EYA1: variants seen among roughly 807,000 people sequenced by gnomAD.
EYA1 encodes the protein protein phosphatase EYA1.
Under a neutral mutation model 82.0 loss-of-function variants are expected in EYA1, and 16 were observed. That is an observed-to-expected ratio of 0.20 (90% confidence interval 0.13 to 0.30). EYA1 has a LOEUF of 0.30. Among genes scored for constraint, EYA1 ranks in the 10% least tolerant of loss-of-function variants. The pLI is 1.00. For missense variants in EYA1, 633 were observed against 730.7 expected (o/e 0.87, Z 1.54); for synonymous variants, 261 against 264.4 (o/e 0.99, Z 0.12).
intron 3 of EYA1, among the ~76,000 whole-genome samples, chr8:71,343,641 T>C (rs1327718014): frequency 1.3e-5 from 2 of 152,218 alleles, no homozygotes; most frequent in Admixed American, 6.5e-5. Flanking sequence ...CCCTTGACCT[T>C]GGACTTAGCC....
At chr8:71,463,025 C>T (rs1412777762) in intron 2 of EYA1, among the ~76,000 whole-genome samples, 1 of 152,144 alleles carries the variant, frequency 6.6e-6, no homozygotes, top group Non-Finnish European at 1.5e-5. Context: ...TTATTGAATC[C>T]AAAATACCCC....
At chr8:71,477,602 G>A (rs1809767531) in intron 2 of EYA1, among the ~76,000 whole-genome samples, 1 of 151,738 alleles carries the variant, frequency 6.6e-6, no homozygotes, top group Non-Finnish European at 1.5e-5. Flanking sequence ...AATAAATTAG[G>A]CACCCTCATG....
chr8:71,369,751 G>A (rs1322538384), intron 2 of EYA1, among the ~76,000 whole-genome samples: 1 of 152,092 alleles, frequency 6.6e-6, no homozygotes, highest in Non-Finnish European at 1.5e-5. Flanking sequence ...AGGGAACATG[G>A]CCCTGGTTTG....
chr8:71,523,180 T>C (rs1422458821), intron 2 of EYA1, among the ~76,000 whole-genome samples: 10 of 107,016 alleles, frequency 9.3e-5, no homozygotes, highest in African/African-American at 1.6e-4. Flanking sequence ...TTTCTTTTTC[T>C]TTTTTTTTTT....
intron 2 of EYA1, among the ~76,000 whole-genome samples, chr8:71,393,238 G>A (rs1191202590): frequency 6.6e-6 from 1 of 151,920 alleles, no homozygotes; most frequent in Non-Finnish European, 1.5e-5. Flanking sequence ...GGGGAGTGAA[G>A]GACATATAGA....
intron 1 of EYA1, among the ~76,000 whole-genome samples, chr8:71,543,911 C>T (rs1448877725): frequency 1.3e-5 from 2 of 152,140 alleles, no homozygotes; most frequent in African/African-American, 4.8e-5. Context: ...CATCTCCAAC[C>T]TGTGACAACC....
chr8:71,369,458 T>A (rs981366328), intron 2 of EYA1, among the ~76,000 whole-genome samples: 1 of 152,228 alleles, frequency 6.6e-6, no homozygotes, highest in Non-Finnish European at 1.5e-5. Flanking sequence ...TCTTCTGTTG[T>A]CACAGTACTT....
At chr8:71,204,243 C>G (rs138351030) in intron 17 of EYA1, 9 of 152,294 alleles carry the variant, frequency 5.9e-5, no homozygotes, top group African/African-American at 2.2e-4. Context: ...CCTGGAGCAA[C>G]TTCAAAAATC....
intron 9 of EYA1, among the ~76,000 whole-genome samples, chr8:71,294,057 A>C (rs1819310259): frequency 1.3e-5 from 2 of 151,998 alleles, no homozygotes; most frequent in African/African-American, 4.8e-5. Flanking sequence ...ACCCACCCCC[A>C]AAACCAAACA....
chr8:71,238,639 C>T (rs1812125521), intron 12 of EYA1, among the ~76,000 whole-genome samples: 1 of 151,896 alleles, frequency 6.6e-6, no homozygotes, highest in Non-Finnish European at 1.5e-5. Context: ...AATTTCAAAT[C>T]AATTTGATTT....
intron 2 of EYA1, among the ~76,000 whole-genome samples, chr8:71,467,922 G>A (rs538121467): frequency 6.6e-6 from 1 of 151,896 alleles, no homozygotes; most frequent in African/African-American, 2.4e-5. Context: ...ACTAAGTCTC[G>A]GTTCACAGAT....
chr8:71,230,581 T>C (rs1004909624), intron 12 of EYA1, among the ~76,000 whole-genome samples: 2 of 152,180 alleles, frequency 1.3e-5, no homozygotes, highest in Non-Finnish European at 2.9e-5. Context: ...GTGGAGGCCA[T>C]ACATTAGCAG....
At chr8:71,225,244 C>T in intron 12 of EYA1, 1 of 456,302 alleles carries the variant, frequency 2.2e-6, no homozygotes, top group South Asian at 1.5e-5. Context: ...AGCTCAAGCG[C>T]TGCTAGGCTT....
chr8:71,411,617 T>TACATG (rs1830593610), intron 2 of EYA1, among the ~76,000 whole-genome samples: 1 of 151,736 alleles, frequency 6.6e-6, no homozygotes, highest in Non-Finnish European at 1.5e-5. Flanking sequence ...GCAGCCAAAA[T>TACATG]ACATGAAAAA....
chr8:71,213,750 C>A (rs1808823358), intron 16 of EYA1, among the ~76,000 whole-genome samples: 2 of 152,188 alleles, frequency 1.3e-5, no homozygotes, highest in Non-Finnish European at 2.9e-5. Context: ...TCTTCCAATG[C>A]AACACTGATA....
At chr8:71,351,568 T>C (rs930184891) in intron 3 of EYA1, among the ~76,000 whole-genome samples, 2 of 152,196 alleles carry the variant, frequency 1.3e-5, no homozygotes, top group African/African-American at 4.8e-5. Context: ...CAAACAACTA[T>C]TATAACTGAA....
chr8:71,264,917 C>T (rs1815599240), intron 11 of EYA1, among the ~76,000 whole-genome samples: 1 of 152,106 alleles, frequency 6.6e-6, no homozygotes, highest in Non-Finnish European at 1.5e-5. Context: ...TAAAACAATT[C>T]CGCAAGTCAC....
At position 71,302,589 on chromosome 8, in the gene EYA1, C is replaced by T. The variant is rs529003321; in HGVS notation, c.557-2869G>A. Among the ~76,000 whole-genome samples, 8 of 102,258 alleles carry T rather than the reference C, an allele frequency of 7.8e-5. No individual in the cohort carries two copies. The East Asian group carries it at 1.2e-3, about 15-fold the overall frequency. The allele number at this position is 102,258 out of a possible 152,430, so 67.1% of individuals were successfully genotyped here. A position where few individuals can be genotyped will look rare whatever the true frequency, so the allele number is the denominator to read the frequency against. On this transcript the variant is annotated intron_variant, in intron 7 of 17. Transcript: ENST00000340726. ...CAGTGGCTTTGGAGACTTAATGCAA[C>T]TTCCAAAAGGATCTTACTTTAGGGA... is the stretch of plus-strand genomic sequence containing the variant.
Position 71,335,449 on chromosome 8 carries a change from AT to A in EYA1, c.125-1276del, listed in dbSNP as rs1407101059. 3.3e-5 allele frequency among the ~76,000 whole-genome samples: 5 copies of A among 152,184 alleles called. No individual in the cohort carries two copies. The South Asian group carries it at 1.0e-3, about 32-fold the overall frequency. On this transcript the variant is annotated intron_variant, in intron 3 of 17. Transcript: ENST00000340726. ...CGGATAGTCACTTTTTAAAAAAATA[AT>A]TTTTCAGATGGCTTCTAAACAAGCT...
Sources: allele counts gnomAD v4.1 joint callset (sites outside exome capture counted in the v4.1 genomes callset), GRCh38; gene constraint gnomAD v4.1.1; transcripts MANE v1.5; gene names NCBI Gene and HGNC (gene_info 2026-07-23, HGNC 2026-07-21).